EIF5B: variants seen among roughly 807,000 people sequenced by gnomAD.
EIF5B encodes the protein eIF-5B.
Under a neutral mutation model 147.5 loss-of-function variants are expected in EIF5B, and 47 were observed. The ratio of observed to expected loss-of-function variants is 0.32; its 90% CI spans 0.25 to 0.41. The LOEUF (loss-of-function observed/expected upper bound fraction) is 0.41, where lower values mean the gene tolerates loss of function less well. EIF5B is among the 10% of genes least tolerant of loss of function. The pLI, the probability that EIF5B is intolerant of heterozygous loss-of-function variation, is 1.00. For missense variants in EIF5B, 1,064 were observed against 1,413.2 expected, an observed-to-expected ratio of 0.75 and a Z score of 3.96; for synonymous variants, 455 against 456.2, an observed-to-expected ratio of 1.00 and a Z score of 0.03.
At chr2:99,356,411 A>G (rs2105342072) in intron 1 of EIF5B, among the ~76,000 whole-genome samples, 1 of 152,320 alleles carries the variant, frequency 6.6e-6, no homozygotes, top group Non-Finnish European at 1.5e-5. Flanking sequence ...TTTCTTCTGC[A>G]CACGTTTGTC....
chr2:99,369,340 C>G, intron 7 of EIF5B, 52 bp from the exon 8 acceptor site: 1 of 1,451,844 alleles, frequency 6.9e-7, no homozygotes, highest in Non-Finnish European at 9.5e-7. Flanking sequence ...AGTATCTTAA[C>G]AGAAATTATA....
At position 99,400,409 on chromosome 2, in the gene EIF5B, T is replaced by A. The variant is rs1675208012; in HGVS notation, c.*995T>A. 1 of 152,214 alleles carries A rather than the reference T, an allele frequency of 6.6e-6. No homozygotes were observed. Among genetic ancestry groups the A allele is most frequent in the Non-Finnish European group, 1.5e-5 (1 of 68,038 alleles). The allele number at this position is 152,214 out of a possible 1,614,324, so 9.4% of individuals were successfully genotyped here. A position where few individuals can be genotyped will look rare whatever the true frequency, so the allele number is the denominator to read the frequency against. On this transcript the variant is annotated 3_prime_UTR_variant, in exon 24 of 24. Transcript: ENST00000289371. The stretch of plus-strand genomic sequence containing the variant: ...TCGTAGTAGTAATCTGTAGCTAGTT[T>A]TAGGGTTTTGCTGAAGTCAGTGTGG...
At chr2:99,390,753 T>C (rs1362261638) in intron 17 of EIF5B, 48 bp downstream of exon 17, 1 of 1,540,270 alleles carries the variant, frequency 6.5e-7, no homozygotes. Flanking sequence ...GTACAGTGTT[T>C]AGAAGTTCTG....
At chr2:99,348,444 T>C (rs1431213401) in intron 1 of EIF5B, among the ~76,000 whole-genome samples, 7 of 152,230 alleles carry the variant, frequency 4.6e-5, no homozygotes, top group African/African-American at 1.7e-4. Flanking sequence ...TTCTTTTGTC[T>C]TGTTTTTCCT....
intron 14 of EIF5B, among the ~76,000 whole-genome samples, chr2:99,388,907 G>A (rs1369191152): frequency 6.6e-6 from 1 of 152,064 alleles, no homozygotes; most frequent in Admixed American, 6.6e-5. Context: ...TTAGCTTTTG[G>A]TTTTATTGAT....
chr2:99,376,778 A>G, intron 10 of EIF5B, 142 bp downstream of exon 10: 1 of 1,352,372 alleles, frequency 7.4e-7, no homozygotes, highest in East Asian at 2.6e-5. Context: ...ATGTTGAAAT[A>G]TTACTGGCCT....
At chr2:99,383,928 T>G (rs1345710360) in intron 14 of EIF5B, among the ~76,000 whole-genome samples, 1 of 152,170 alleles carries the variant, frequency 6.6e-6, no homozygotes, top group Non-Finnish European at 1.5e-5. Context: ...TTGACCATTC[T>G]GAAAATCCTA....
At position 99,390,313 on chromosome 2, in the gene EIF5B, G is replaced by T. The variant is rs1451172851; in HGVS notation, c.2498G>T (p.Ser833Ile). 1 of 1,614,156 alleles carries T rather than the reference G, an allele frequency of 6.2e-7. No homozygotes were observed. Among genetic ancestry groups the T allele is most frequent in the Non-Finnish European group, 8.5e-7 (1 of 1,180,028 alleles). ...TSAHTGDGMG[S>I]LIYLLVELTQ... ...GCACATACTGGTGATGGCATGGGAA[G>T]TCTGATCTACCTTCTTGTAGAGTTA... The change falls in exon 16 of 24, where the codon AGT (serine) becomes ATT (isoleucine). Residue 833 changes from serine (S) to isoleucine (I), a missense_variant. Transcript: ENST00000289371.
chr2:99,343,851 C>G (rs529305722), intron 1 of EIF5B, among the ~76,000 whole-genome samples: 1 of 151,314 alleles, frequency 6.6e-6, no homozygotes, highest in African/African-American at 2.4e-5. Context: ...ATTGCCTTAT[C>G]TCTTGCATTT....
chr2:99,347,704 T>A (rs1389839684), intron 1 of EIF5B, among the ~76,000 whole-genome samples: 1 of 152,178 alleles, frequency 6.6e-6, no homozygotes, highest in Non-Finnish European at 1.5e-5. Flanking sequence ...TGATACTTTT[T>A]TTTTTATTTG....
chr2:99,350,331 T>C (rs188846251), intron 1 of EIF5B, among the ~76,000 whole-genome samples: 18 of 152,336 alleles, frequency 1.2e-4, no homozygotes, highest in African/African-American at 3.8e-4. Flanking sequence ...TTAGATTATA[T>C]GATAGTTCTG....
At chr2:99,339,793 A>G (rs574957183) in intron 1 of EIF5B, among the ~76,000 whole-genome samples, 2 of 152,250 alleles carry the variant, frequency 1.3e-5, no homozygotes, top group East Asian at 3.9e-4. Context: ...TCATTGATTT[A>G]TAAAGATTTT....
At chr2:99,368,634 T>G in intron 7 of EIF5B, 43 bp downstream of exon 7, 7 of 1,455,448 alleles carry the variant, frequency 4.8e-6, no homozygotes, top group Non-Finnish European at 6.7e-6. Flanking sequence ...ATATGTTGTT[T>G]GCCTTTCCCC....
chr2:99,373,330 C>G (rs1574931890), intron 9 of EIF5B, among the ~76,000 whole-genome samples: 1 of 152,282 alleles, frequency 6.6e-6, no homozygotes, highest in East Asian at 1.9e-4. Context: ...ATCAAGGCAC[C>G]AGCATTGGTG....
At chr2:99,338,249 G>T in intron 1 of EIF5B, 1 of 1,163,276 alleles carries the variant, frequency 8.6e-7, no homozygotes, top group Non-Finnish European at 1.1e-6. Flanking sequence ...AACCAACCGA[G>T]GTCGCTCCTT....
At chr2:99,361,030 T>C in intron 3 of EIF5B, 118 bp from the exon 4 acceptor site, 1 of 1,080,686 alleles carries the variant, frequency 9.3e-7, no homozygotes, top group Non-Finnish European at 1.3e-6. Context: ...TGAAAAAGAC[T>C]TTGAAAAAGA....
chr2:99,380,082 T>C (rs1305545573), intron 12 of EIF5B, among the ~76,000 whole-genome samples: 3 of 152,246 alleles, frequency 2.0e-5, no homozygotes, highest in African/African-American at 7.2e-5. Context: ...ATTACTTCTA[T>C]AGAGAAACGT....
At chr2:99,338,512 C>T (rs2094249800) in intron 1 of EIF5B, 1 of 375,428 alleles carries the variant, frequency 2.7e-6, no homozygotes, top group African/African-American at 2.1e-5. Context: ...TGACTCAAAA[C>T]AGATATGTTG....
chr2:99,360,709 A>C (rs199584101), intron 3 of EIF5B, among the ~76,000 whole-genome samples, 160 bp downstream of exon 3: 1 of 59,674 alleles, frequency 1.7e-5, no homozygotes, highest in Non-Finnish European at 4.7e-5. Flanking sequence ...TAGGAATGTA[A>C]AGGTATTTTG....
Sources: allele counts gnomAD v4.1 joint callset (sites outside exome capture counted in the v4.1 genomes callset), GRCh38; gene constraint gnomAD v4.1.1; transcripts MANE v1.5; gene names NCBI Gene and HGNC (gene_info 2026-07-23, HGNC 2026-07-21).